The following TTK variants were observed in gnomAD, a reference collection of about 807,000 sequenced individuals.
TTK encodes dual specificity protein kinase TTK.
In TTK, 59 loss-of-function variants were observed where a neutral mutation model predicts 117.3. The ratio of observed to expected loss-of-function variants is 0.50; its 90% CI spans 0.41 to 0.62. TTK has a LOEUF of 0.62. TTK is among the 20% of genes least tolerant of loss of function. The probability of loss-of-function intolerance (pLI) is 0.00; values close to 1 mark genes in which losing one functional copy is unlikely to be tolerated. For missense variants in TTK, 921 were observed against 989.4 expected (o/e 0.93, Z 0.93); for synonymous variants, 302 against 325.0 (o/e 0.93, Z 0.76).
In TTK at chr6:80,010,051, CTT is replaced by C. The variant is rs1767102194; in HGVS notation, c.470-762_470-761del. Among the ~76,000 whole-genome samples, 11 of 152,180 alleles carry C rather than the reference CTT, an allele frequency of 7.2e-5. No individual in the cohort carries two copies. In the South Asian group the frequency reaches 2.3e-3, roughly 32 times the overall value. On this transcript the variant is annotated intron_variant, in intron 4 of 21. Transcript: ENST00000369798. ...AACTACCAGAAGCTAGAGATCATCT[CTT>C]AAGCATTTTTATACGCTAAGTACCA...
chr6:80,012,004 A>T, intron 8 of TTK, 24 bp downstream of exon 8: 1 of 1,582,862 alleles, frequency 6.3e-7, no homozygotes, highest in East Asian at 2.2e-5. Context: ...TAATTTTTAA[A>T]ATTTGTTGTC....
chr6:80,007,991 A>ACACC lies in TTK; in HGVS notation c.322_323insCACC (p.Ser108ThrfsTer5). The stretch of plus-strand genomic sequence containing the variant: ...CCCAGATAAATATGGCCAAAATGAG[A>ACACC]GTTTTGCTAGAATTCAAGTGAGATT... On this transcript the variant is annotated frameshift_variant, in exon 3 of 22. Coordinates refer to ENST00000369798, the MANE Select transcript of TTK (RefSeq NM_003318.5). LOFTEE classifies it high-confidence loss of function. 6.9e-6 allele frequency: 11 copies of ACACC among 1,591,500 alleles called. No individual in the cohort carries two copies. Among genetic ancestry groups the ACACC allele is most frequent in the Non-Finnish European group, 9.5e-6 (11 of 1,159,914 alleles).
intron 9 of TTK, 85 bp downstream of exon 9, chr6:80,013,451 GT>G: frequency 8.9e-7 from 1 of 1,118,760 alleles, no homozygotes; most frequent in Non-Finnish European, 1.3e-6. Flanking sequence ...TGGGGAAAGG[GT>G]TTATAAATAG....
chr6:80,011,336 C>G, intron 5 of TTK, 98 bp from the exon 6 acceptor site: 1 of 794,608 alleles, frequency 1.3e-6, no homozygotes. Context: ...CAAGTATTTC[C>G]TATGAATTGA....
At chr6:80,011,680 A>T (rs745931894) in intron 6 of TTK, 49 bp from the exon 7 acceptor site, 3 of 1,591,974 alleles carry the variant, frequency 1.9e-6, no homozygotes, top group African/African-American at 2.7e-5. Context: ...GTAGAAATAC[A>T]TATTAATATT....
intron 20 of TTK, 117 bp from the exon 21 acceptor site, chr6:80,040,489 G>A: frequency 2.1e-6 from 2 of 947,048 alleles, no homozygotes; most frequent in Non-Finnish European, 3.0e-6. Flanking sequence ...CAGATAACGG[G>A]TTATAATCAG....
intron 4 of TTK, among the ~76,000 whole-genome samples, chr6:80,009,924 T>C (rs1767098978): frequency 6.6e-6 from 1 of 152,102 alleles, no homozygotes. Context: ...TTCTTAAGCC[T>C]TTCTCTCTTT....
At chr6:80,021,243 C>T (rs1767450074) in intron 10 of TTK, among the ~76,000 whole-genome samples, 1 of 152,192 alleles carries the variant, frequency 6.6e-6, no homozygotes, top group South Asian at 2.1e-4. Flanking sequence ...TCCCTAGCTG[C>T]TGGGAGTTCC....
intron 21 of TTK, among the ~76,000 whole-genome samples, chr6:80,041,421 C>T (rs1768046532): frequency 6.6e-6 from 1 of 151,472 alleles, no homozygotes; most frequent in Admixed American, 6.6e-5. Context: ...TATGAGGTAC[C>T]TGTTTTCTTA....
At chr6:80,022,497 AT>A in intron 11 of TTK, 25 bp downstream of exon 11, 3 of 1,604,728 alleles carry the variant, frequency 1.9e-6, no homozygotes, top group Non-Finnish European at 2.5e-6. Context: ...AAAGTACAAT[AT>A]TGCTTTTTTG....
At chr6:80,012,051 CTT>C (rs1767174622) in intron 8 of TTK, 71 bp downstream of exon 8, 1 of 1,215,702 alleles carries the variant, frequency 8.2e-7, no homozygotes. Context: ...GTCTTAAAGT[CTT>C]TTACTGAGTA....
chr6:80,008,644 A>G, intron 4 of TTK, 152 bp downstream of exon 4: 1 of 596,666 alleles, frequency 1.7e-6, no homozygotes, highest in Non-Finnish European at 2.8e-6. Flanking sequence ...TGCCACCTAA[A>G]TGTAAATGCA....
intron 13 of TTK, among the ~76,000 whole-genome samples, chr6:80,030,674 A>G (rs1475050995): frequency 6.6e-6 from 1 of 152,136 alleles, no homozygotes. Flanking sequence ...GAGAACTCTC[A>G]GAGAAGCACT....
chr6:80,012,087 A>T (rs746962626), intron 8 of TTK, 107 bp downstream of exon 8: 68 of 866,690 alleles, frequency 7.8e-5, no homozygotes, highest in Non-Finnish European at 6.2e-5. Flanking sequence ...TTAAATTTTT[A>T]TTCAGTTTTA....
chr6:80,038,149 C>T (rs1450318049), intron 18 of TTK, 102 bp downstream of exon 18: 1 of 708,900 alleles, frequency 1.4e-6, no homozygotes, highest in Admixed American at 3.2e-5. Context: ...AGTTCTAAAA[C>T]TTTTTAGGCC....
intron 2 of TTK, among the ~76,000 whole-genome samples, chr6:80,007,114 G>A (rs577182756): frequency 1.5e-4 from 23 of 152,214 alleles, no homozygotes; most frequent in African/African-American, 5.1e-4. Flanking sequence ...GTTTCTGTTG[G>A]TTGGGGTTCC....
At chr6:80,039,440 G>GTCTT (rs1767988548) in intron 18 of TTK, among the ~76,000 whole-genome samples, 1 of 151,734 alleles carries the variant, frequency 6.6e-6, no homozygotes, top group Non-Finnish European at 1.5e-5. Context: ...AAGTTGGGAA[G>GTCTT]AATTTAATAT....
In TTK at chr6:80,040,533, A is replaced by C. The variant is rs1041496392; in HGVS notation, c.2393-73A>C. The stretch of plus-strand genomic sequence containing the variant: ...TATAAGAATATCACTTTGTGCTATT[A>C]AACAAAATGTGTATTTACAATGGAC... On this transcript the variant is annotated intron_variant, in intron 20 of 21. Transcript: ENST00000369798. The C allele has an allele frequency of 1.4e-5, 19 of 1,333,282 alleles. No individual in the cohort carries two copies. In the Admixed American group the frequency reaches 3.9e-4, roughly 27 times the overall value. The allele number at this position is 1,333,282 out of a possible 1,614,324, so 82.6% of individuals were successfully genotyped here.
chr6:80,009,501 A>C (rs537909874), intron 4 of TTK, among the ~76,000 whole-genome samples: 1 of 152,088 alleles, frequency 6.6e-6, no homozygotes. Context: ...TGTTAGAGAA[A>C]ATTTGGCAAG....
Sources: gnomAD v4.1 joint callset for allele counts (sites outside exome capture counted in the v4.1 genomes callset) on GRCh38, gnomAD v4.1.1 for gene constraint, MANE v1.5 for transcripts, NCBI Gene and HGNC (gene_info 2026-07-23, HGNC 2026-07-21) for gene names.